The following SLC39A11 variants were observed in gnomAD, a reference collection of about 807,000 sequenced individuals.
SLC39A11 encodes the protein zinc transporter ZIP11.
A neutral mutation model predicts 36.1 loss-of-function variants in SLC39A11; 33 were observed. The ratio of observed to expected loss-of-function variants is 0.91; its 90% CI spans 0.69 to 1.22. The LOEUF (loss-of-function observed/expected upper bound fraction) is 1.22, where lower values mean the gene tolerates loss of function less well. Ranked by LOEUF, SLC39A11 falls within the 50% of genes most tolerant of loss-of-function variation. The pLI is 0.00. For synonymous variants in SLC39A11, 166 were observed against 170.3 expected (o/e 0.97, Z 0.20); for missense variants, 432 against 430.3 (o/e 1.00, Z -0.03).
At chr17:72,780,525 GGCGGGT>G (rs2076277414) in intron 6 of SLC39A11, among the ~76,000 whole-genome samples, 2 of 123,062 alleles carry the variant, frequency 1.6e-5, no homozygotes, top group Non-Finnish European at 1.6e-5. Context: ...GAAGATGGGG[GGCGGGT>G]GGGGGCACAA....
intron 7 of SLC39A11, among the ~76,000 whole-genome samples, chr17:72,708,734 C>G (rs532157057): frequency 4.8e-4 from 73 of 152,308 alleles, no homozygotes; most frequent in Admixed American, 1.4e-3. Flanking sequence ...TCTTCCCAAC[C>G]CATGACTGAG....
chr17:73,014,333 G>C (rs1568126237), intron 4 of SLC39A11, among the ~76,000 whole-genome samples: 1 of 152,162 alleles, frequency 6.6e-6, no homozygotes, highest in Non-Finnish European at 1.5e-5. Flanking sequence ...CATCAGATCT[G>C]TCCTGTTAGA....
At chr17:73,045,387 A>T (rs1048748609) in intron 3 of SLC39A11, among the ~76,000 whole-genome samples, 30 of 9,820 alleles carry the variant, frequency 3.1e-3, no homozygotes, top group East Asian at 0.013. Flanking sequence ...AAACAGAGTT[A>T]AAAAAAAAAA....
intron 6 of SLC39A11, chr17:72,839,336 A>C (rs2078705951): frequency 6.6e-6 from 1 of 152,196 alleles, no homozygotes; most frequent in African/African-American, 2.4e-5. Context: ...ACCTTTCATG[A>C]CAAAGGAGAT....
chr17:72,665,402 T>TG lies in SLC39A11; in HGVS notation c.672-16135_672-16134insC, dbSNP rs1555631677. On this transcript the variant is annotated intron_variant, in intron 7 of 9. Transcript: ENST00000255559. Reference sequence around the variant, plus strand: ...AAGTTTTGAGGTGTTTTTTTTTTTTTTTTTTTTTGAGACAGGGTCTTGCTG... The same window carrying TG: ...AAGTTTTGAGGTGTTTTTTTTTTTTTGTTTTTTTTGAGACAGGGTCTTGCTG... Among the ~76,000 whole-genome samples the TG allele has an allele frequency of 4.2e-4, 58 of 139,566 alleles. 1 individual carries two copies. Among genetic ancestry groups the TG allele is most frequent in the Non-Finnish European group, 7.2e-4 (46 of 63,888 alleles). 91.6% of individuals were successfully genotyped at this position (139,566 alleles called of 152,430 possible).
intron 3 of SLC39A11, among the ~76,000 whole-genome samples, chr17:73,038,618 A>C (rs911867237): frequency 3.3e-5 from 5 of 151,294 alleles, no homozygotes; most frequent in African/African-American, 1.2e-4. Flanking sequence ...GAGACAGGAG[A>C]ATCACTTGAA....
At chr17:72,850,004 C>T (rs1334120704) in intron 5 of SLC39A11, among the ~76,000 whole-genome samples, 200 bp from the exon 6 acceptor site, 1 of 150,768 alleles carries the variant, frequency 6.6e-6, no homozygotes, top group African/African-American at 2.4e-5. Flanking sequence ...AGCCATCCTC[C>T]CATCTCAGCC....
At chr17:72,739,976 T>G (rs2074604103) in intron 6 of SLC39A11, among the ~76,000 whole-genome samples, 1 of 151,940 alleles carries the variant, frequency 6.6e-6, no homozygotes, top group Non-Finnish European at 1.5e-5. Flanking sequence ...TTATATACAG[T>G]ATTCTTACAA....
chr17:72,767,181 ATT>A (rs2075786657), intron 6 of SLC39A11, among the ~76,000 whole-genome samples: 5 of 152,178 alleles, frequency 3.3e-5, no homozygotes, highest in Non-Finnish European at 7.3e-5. Flanking sequence ...TTCTTTCCTC[ATT>A]CTTTAACTCT....
intron 6 of SLC39A11, among the ~76,000 whole-genome samples, chr17:72,787,180 G>A (rs527571762): frequency 6.7e-6 from 1 of 150,232 alleles, no homozygotes; most frequent in South Asian, 2.1e-4. Context: ...GCGGATGAAT[G>A]CATCTTAAGA....
At chr17:72,714,837 T>G (rs9898812) in intron 7 of SLC39A11, among the ~76,000 whole-genome samples, 71,871 of 152,086 alleles carry the variant, frequency 0.47, 17,333 homozygotes, top group East Asian at 0.66. Context: ...CATGGAGTGT[T>G]TCACCTGCCT....
chr17:72,682,005 C>T (rs2144313747), intron 7 of SLC39A11, among the ~76,000 whole-genome samples: 1 of 152,224 alleles, frequency 6.6e-6, no homozygotes, highest in African/African-American at 2.4e-5. Context: ...GACAGCCACT[C>T]CCCATCACTC....
chr17:72,809,499 G>A (rs972278305), intron 6 of SLC39A11, among the ~76,000 whole-genome samples: 6 of 151,914 alleles, frequency 3.9e-5, no homozygotes, highest in Non-Finnish European at 5.9e-5. Flanking sequence ...TTGCTTCTTC[G>A]TGGCTTCCCT....
chr17:72,823,542 C>T (rs1035323884), intron 6 of SLC39A11: 1 of 151,476 alleles, frequency 6.6e-6, no homozygotes, highest in African/African-American at 2.4e-5. Flanking sequence ...CATCCATCCA[C>T]TTGCCTCCCT....
intron 5 of SLC39A11, among the ~76,000 whole-genome samples, chr17:72,888,815 T>C (rs532349196): frequency 1.6e-4 from 24 of 152,032 alleles, no homozygotes; most frequent in Non-Finnish European, 2.6e-4. Flanking sequence ...GGAGAGAGGA[T>C]TGCTTAAGCC....
chr17:72,970,718 G>C (rs2087377814), intron 4 of SLC39A11, among the ~76,000 whole-genome samples: 1 of 152,242 alleles, frequency 6.6e-6, no homozygotes, highest in Non-Finnish European at 1.5e-5. Context: ...TGGCAATCCA[G>C]GAGTGCCTGG....
intron 4 of SLC39A11, among the ~76,000 whole-genome samples, chr17:73,000,519 G>A (rs561931522): frequency 2.6e-5 from 4 of 152,280 alleles, no homozygotes; most frequent in Middle Eastern, 3.4e-3. Flanking sequence ...ACAGTTCAGC[G>A]ACTTGGTTTT....
intron 7 of SLC39A11, among the ~76,000 whole-genome samples, chr17:72,678,170 T>C (rs530445105): frequency 6.6e-6 from 1 of 152,336 alleles, no homozygotes; most frequent in South Asian, 2.1e-4. Flanking sequence ...GCAGTTTGGA[T>C]GCCCGTTCCG....
At chr17:73,031,515 T>C (rs760498928) in intron 4 of SLC39A11, 41 bp downstream of exon 4, 5 of 1,608,298 alleles carry the variant, frequency 3.1e-6, no homozygotes, top group South Asian at 1.1e-5. Context: ...ACAGAGCTGG[T>C]TGTATCCCGA....
Sources: allele counts gnomAD v4.1 joint callset (sites outside exome capture counted in the v4.1 genomes callset), GRCh38; gene constraint gnomAD v4.1.1; transcripts MANE v1.5; gene names NCBI Gene and HGNC (gene_info 2026-07-23, HGNC 2026-07-21).